Variants in RALGPS1 observed in about 807,000 individuals in gnomAD.
RALGPS1 encodes Ral GEF with PH domain and SH3 binding motif 1.
RALGPS1 carries 19 observed loss-of-function variants against 78.8 expected under a neutral mutation model. The observed-to-expected ratio is 0.24, with a 90% CI of 0.17 to 0.35. The LOEUF (loss-of-function observed/expected upper bound fraction) is 0.35, where lower values mean the gene tolerates loss of function less well. RALGPS1 is among the 10% of genes least tolerant of loss of function. The pLI is 1.00. For synonymous variants in RALGPS1, 228 were observed against 256.3 expected (o/e 0.89, Z 1.06); for missense variants, 454 against 688.3 (o/e 0.66, Z 3.81).
At chr9:127,082,742 C>A (rs940116602) in intron 8 of RALGPS1, among the ~76,000 whole-genome samples, 1 of 152,136 alleles carries the variant, frequency 6.6e-6, no homozygotes. Flanking sequence ...ATAGAATCCA[C>A]CTCGTAGAGT....
At chr9:127,156,075 G>T (rs1409792187) in intron 8 of RALGPS1, among the ~76,000 whole-genome samples, 1 of 152,066 alleles carries the variant, frequency 6.6e-6, no homozygotes, top group Non-Finnish European at 1.5e-5. Flanking sequence ...AGGCATACCT[G>T]ATGTTTTTCA....
At chr9:127,112,858 T>C (rs2054986079) in intron 8 of RALGPS1, among the ~76,000 whole-genome samples, 1 of 152,252 alleles carries the variant, frequency 6.6e-6, no homozygotes, top group African/African-American at 2.4e-5. Context: ...CACAGGGCTT[T>C]AGGGCTTCCA....
intron 8 of RALGPS1, among the ~76,000 whole-genome samples, chr9:127,160,797 T>G (rs967019916): frequency 6.6e-6 from 1 of 152,236 alleles, no homozygotes; most frequent in African/African-American, 2.4e-5. Context: ...ATTCTCTCAC[T>G]TGCAAGCTGT....
intron 8 of RALGPS1, among the ~76,000 whole-genome samples, chr9:127,140,878 C>T (rs1024329909): frequency 3.3e-5 from 5 of 152,030 alleles, no homozygotes; most frequent in Non-Finnish European, 7.4e-5. Context: ...AGAGGCAGGC[C>T]CTGGAGAGAT....
rs1194289673 is a variant in RALGPS1 at position 127,211,294 on chromosome 9, T to C, written c.1248-837T>C. ...GGTGGAGGAGAGGAGAGGGGGAGGG[T>C]GGAGGCACTGGCCGGTGTGGACCCA... On this transcript the variant is annotated intron_variant, in intron 14 of 18. Transcript: ENST00000259351. This position sits in a 1 kb window ranked among gnomAD's most constrained non-coding sequence, Gnocchi z 5.0. Among the ~76,000 whole-genome samples, 1 of 150,148 alleles carries C rather than the reference T, an allele frequency of 6.7e-6. No individual in the cohort carries two copies. Among genetic ancestry groups the C allele is most frequent in the Non-Finnish European group, 1.5e-5 (1 of 67,494 alleles).
At chr9:127,156,393 G>C (rs890003395) in intron 8 of RALGPS1, among the ~76,000 whole-genome samples, 1 of 152,102 alleles carries the variant, frequency 6.6e-6, no homozygotes, top group African/African-American at 2.4e-5. Context: ...AATTTATGCT[G>C]TAGTCACTCT....
At chr9:127,008,699 A>G (rs2044081049) in intron 4 of RALGPS1, among the ~76,000 whole-genome samples, 1 of 152,236 alleles carries the variant, frequency 6.6e-6, no homozygotes, top group African/African-American at 2.4e-5. Context: ...CTGCTCTACC[A>G]CAACCAGATA....
At chr9:126,976,825 G>A (rs540287385) in intron 3 of RALGPS1, among the ~76,000 whole-genome samples, 1 of 152,338 alleles carries the variant, frequency 6.6e-6, no homozygotes, top group African/African-American at 2.4e-5. Flanking sequence ...GTGACATGGA[G>A]GTAGGTGGAT....
intron 5 of RALGPS1, among the ~76,000 whole-genome samples, chr9:127,041,419 A>C (rs991057891): frequency 6.6e-6 from 1 of 152,172 alleles, no homozygotes; most frequent in Non-Finnish European, 1.5e-5. Context: ...GTATATACCT[A>C]GGAACACAAG....
At chr9:127,073,393 A>G (rs2050374864) in intron 8 of RALGPS1, among the ~76,000 whole-genome samples, 1 of 151,978 alleles carries the variant, frequency 6.6e-6, no homozygotes, top group Non-Finnish European at 1.5e-5. Context: ...AGCTGCATCC[A>G]TATTGCTGCA....
At chr9:127,108,096 G>T in intron 8 of RALGPS1, 1 of 1,611,924 alleles carries the variant, frequency 6.2e-7, no homozygotes, top group Non-Finnish European at 8.5e-7. Flanking sequence ...GCTGGGGGAC[G>T]GGCCTGGCCG....
chr9:127,178,567 A>G, intron 11 of RALGPS1: 2 of 873,476 alleles, frequency 2.3e-6, no homozygotes, highest in Non-Finnish European at 2.7e-6. Context: ...TTTTAGCTAA[A>G]TATCACTGCC....
chr9:127,151,609 A>G (rs111408379), intron 8 of RALGPS1, among the ~76,000 whole-genome samples: 2 of 152,018 alleles, frequency 1.3e-5, no homozygotes, highest in African/African-American at 4.8e-5. Context: ...TGGTTTTTTT[A>G]TTTTTTTATT....
At chr9:127,003,150 C>T (rs2043502294) in intron 4 of RALGPS1, among the ~76,000 whole-genome samples, 1 of 152,148 alleles carries the variant, frequency 6.6e-6, no homozygotes, top group Non-Finnish European at 1.5e-5. Context: ...TGGGCAAGGA[C>T]TTCACGTCCA....
In RALGPS1 at chr9:126,952,024, TAACA is replaced by T. The variant is rs951410501; in HGVS notation, c.-65-10196_-65-10193del. Among the ~76,000 whole-genome samples, 27 of 152,292 alleles carry T rather than the reference TAACA, an allele frequency of 1.8e-4. No individual in the cohort carries two copies. The East Asian group carries it at 1.9e-3, about 11-fold the overall frequency. On this transcript the variant is annotated intron_variant, in intron 1 of 18. Coordinates refer to ENST00000259351, the MANE Select transcript of RALGPS1 (RefSeq NM_014636.3). ...AATCACAAGCATTCTTATACACCAA[TAACA>T]AACAGAGAGCTAAATCATGAGTGAA...
chr9:126,925,686 G>A lies in RALGPS1; in HGVS notation c.-66+10711G>A, dbSNP rs2035208612. Among the ~76,000 whole-genome samples the A allele has an allele frequency of 2.6e-5, 4 of 152,240 alleles. No homozygotes were observed. The South Asian group carries it at 8.3e-4, about 32-fold the overall frequency. On this transcript the variant is annotated intron_variant, in intron 1 of 18. Coordinates refer to ENST00000259351, the MANE Select transcript of RALGPS1 (RefSeq NM_014636.3). ...GGGCAACGTAATGAGACCAGTCTGG[G>A]CAACATAGACCCTATCTCTTAAAAA...
At chr9:126,985,646 A>C (rs1288673701) in intron 4 of RALGPS1, among the ~76,000 whole-genome samples, 1 of 152,204 alleles carries the variant, frequency 6.6e-6, no homozygotes, top group East Asian at 1.9e-4. Context: ...CTGCTGGTCA[A>C]ATTTTAACAT....
At chr9:127,021,356 AG>A in intron 4 of RALGPS1, among the ~76,000 whole-genome samples, 1 of 152,056 alleles carries the variant, frequency 6.6e-6, no homozygotes, top group Admixed American at 6.6e-5. Context: ...ACAAAAACTT[AG>A]CCGGGCATAT....
intron 8 of RALGPS1, among the ~76,000 whole-genome samples, chr9:127,083,270 A>G (rs1001381229): frequency 5.3e-5 from 8 of 152,216 alleles, no homozygotes; most frequent in African/African-American, 1.9e-4. Context: ...GGCAGAGCCC[A>G]TAGAGTTGGG....
Sources: gnomAD v4.1 joint callset for allele counts (sites outside exome capture counted in the v4.1 genomes callset) on GRCh38, gnomAD v4.1.1 for gene constraint, Gnocchi (gnomAD v3.1) non-coding constraint, MANE v1.5 for transcripts, NCBI Gene and HGNC (gene_info 2026-07-23, HGNC 2026-07-21) for gene names.